The following MOSPD3 variants were observed in gnomAD, a reference collection of about 807,000 sequenced individuals.
MOSPD3 encodes the protein motile sperm domain-containing protein 3.
Under a neutral mutation model 23.3 loss-of-function variants are expected in MOSPD3, and 20 were observed. That is an observed-to-expected ratio of 0.86 (90% CI 0.61 to 1.25). MOSPD3 has a LOEUF of 1.25. Among genes scored for constraint, MOSPD3 ranks in the 50% most tolerant of loss-of-function variants. The pLI is 0.00. For missense variants in MOSPD3, 307 were observed against 315.7 expected (o/e 0.97, Z 0.21); for synonymous variants, 136 against 135.2 (o/e 1.01, Z -0.04).
At chr7:100,613,044 G>T in intron 1 of MOSPD3, 48 bp downstream of exon 1, 3 of 1,607,982 alleles carry the variant, frequency 1.9e-6, no homozygotes, top group Non-Finnish European at 2.6e-6. Flanking sequence ...ACACTGGGGG[G>T]TTGTGTTGGC....
In MOSPD3 at chr7:100,612,860, C is replaced by G. The variant is rs761839826; in HGVS notation, c.69C>G (p.Gly23=). The stretch of plus-strand genomic sequence containing the variant: ...GGCCCCCTGGGCGGGGGTCCCGGGG[C>G]GCCCCTCCTCCCTTGGGACCCGTTG... ...GPGPPGRGSR[G]APPPLGPVVP... Residue 23 remains glycine, a synonymous_variant, in exon 1 of 5, where the codon GGC becomes GGG. Coordinates refer to ENST00000393950, the MANE Select transcript of MOSPD3 (RefSeq NM_023948.5). The G allele has an allele frequency of 2.7e-5, 44 of 1,612,276 alleles. No individual in the cohort carries two copies. Among genetic ancestry groups the G allele is most frequent in the African/African-American group, 5.3e-5 (4 of 74,942 alleles).
In MOSPD3 at chr7:100,615,251, C is replaced by T. The variant is rs760852931; in HGVS notation, c.*68C>T. Reference sequence around the variant, plus strand: ...GGGTCTTGAGGCAGCCACTGTGATGCTCATACCTTACCTTGCCTCCTACCC... The same window carrying T: ...GGGTCTTGAGGCAGCCACTGTGATGTTCATACCTTACCTTGCCTCCTACCC... On this transcript the variant is annotated 3_prime_UTR_variant, in exon 5 of 5. Transcript: ENST00000393950. 1.4e-6 allele frequency: 2 copies of T among 1,437,068 alleles called. No individual in the cohort carries two copies. Among genetic ancestry groups the T allele is most frequent in the Non-Finnish European group, 1.9e-6 (2 of 1,047,928 alleles). 89.0% of individuals were successfully genotyped at this position (1,437,068 alleles called of 1,614,324 possible).
At chr7:100,612,427 A>C, upstream of MOSPD3, 2 of 164,192 alleles carry the variant, frequency 1.2e-5, no homozygotes, top group East Asian at 1.6e-4. Context: ...GCGTCCGGGA[A>C]CGCCCGGAAG....
At chr7:100,614,578 G>T (rs963472717) in intron 3 of MOSPD3, among the ~76,000 whole-genome samples, 1 of 152,136 alleles carries the variant, frequency 6.6e-6, no homozygotes, top group East Asian at 1.9e-4. Flanking sequence ...AGGAGTTCAA[G>T]ATCAGCTTGG....
chr7:100,612,945 C>G lies in MOSPD3; in HGVS notation c.154C>G (p.Arg52Gly). 1.2e-6 allele frequency: 2 copies of G among 1,613,982 alleles called. No homozygotes were observed. Among genetic ancestry groups the G allele is most frequent in the Non-Finnish European group, 1.7e-6 (2 of 1,180,016 alleles). ...VFRADQRSGP[R>G]QLLTLYNPTG... is the part of the protein sequence containing the mutation. Reference sequence around the variant, plus strand: ...CAGGGCGGACCAGCGGAGCGGACCCCGACAGCTGCTGACCCTCTATAACCC... The same window carrying G: ...CAGGGCGGACCAGCGGAGCGGACCCGGACAGCTGCTGACCCTCTATAACCC... Residue 52 changes from arginine to glycine, a missense_variant, in exon 1 of 5, where the codon CGA becomes GGA. By Grantham distance (125) the Arg-to-Gly change is moderately radical. Transcript: ENST00000393950.
intron 3 of MOSPD3, 151 bp downstream of exon 3, chr7:100,613,857 G>C (rs1802912224): frequency 8.1e-6 from 6 of 742,584 alleles, no homozygotes; most frequent in Non-Finnish European, 1.3e-5. Context: ...TTTATATCAG[G>C]TGAGGGGGAA....
At position 100,615,140 on chromosome 7, in the gene MOSPD3, T is replaced by TC. The variant is rs1244250845; in HGVS notation, c.677-6dup. 19 of 1,613,724 alleles carry TC rather than the reference T, an allele frequency of 1.2e-5. No homozygotes were observed. The Admixed American group carries it at 2.8e-4, about 24-fold the overall frequency. ...CCCATGCGACCCTATTCTTTCTTTG[T>TC]CCCCCCTCCAGGCCTCCTCACCATG... On this transcript the variant is annotated splice_polypyrimidine_tract_variant and intron_variant, in intron 4 of 4. Coordinates refer to ENST00000393950, the MANE Select transcript of MOSPD3 (RefSeq NM_023948.5).
chr7:100,613,892 T>C (rs1802913477), intron 3 of MOSPD3, 186 bp downstream of exon 3: 1 of 629,632 alleles, frequency 1.6e-6, no homozygotes, highest in Admixed American at 2.9e-5. Flanking sequence ...CCCTGGTTTC[T>C]GACTTCTACT....
chr7:100,614,562 G>C (rs143440482), intron 3 of MOSPD3, among the ~76,000 whole-genome samples: 31 of 151,908 alleles, frequency 2.0e-4, no homozygotes, highest in African/African-American at 7.2e-4. Context: ...GCAATTGCTC[G>C]AGGCCAGGAG....
In MOSPD3 at chr7:100,613,232, G is replaced by C. The variant is rs1042044676; in HGVS notation, c.244G>C (p.Ala82Pro). ...ACCTGCCAAATACACGGTGTTTGAC[G>C]CAGAGGGATATGTGAAGCCCCAGTC... ...TAPAKYTVFDAEGYVKPQSCI... is the reference protein window; with the variant it reads ...TAPAKYTVFDPEGYVKPQSCI... Residue 82 changes from alanine to proline, a missense_variant, in exon 2 of 5, where the codon GCA (alanine) becomes CCA (proline). By Grantham distance (27) the Ala-to-Pro change is conservative. Transcript: ENST00000393950. 1 of 1,614,118 alleles carries C rather than the reference G, an allele frequency of 6.2e-7. No individual in the cohort carries two copies. The highest frequency in any genetic ancestry group is 1.3e-5 in the African/African-American group (1 of 75,006).
Position 100,615,185 on chromosome 7 carries a change from C to A in MOSPD3, c.*2C>A. ...ACCATGGTGTTCCTCCGGACCTGAG[C>A]TCCGTGCTCAACCCCCAGCCCACCC... On this transcript the variant is annotated 3_prime_UTR_variant, in exon 5 of 5. Coordinates refer to ENST00000393950, the MANE Select transcript of MOSPD3 (RefSeq NM_023948.5). The A allele has an allele frequency of 6.2e-7, 1 of 1,613,918 alleles. No individual in the cohort carries two copies. Among genetic ancestry groups the A allele is most frequent in the Non-Finnish European group, 8.5e-7 (1 of 1,180,004 alleles).
Position 100,614,979 on chromosome 7 carries a change from T to C in MOSPD3, c.624T>C (p.Pro208=). ...PLPDELGSQL[P]QVLHVSLGQK... The stretch of plus-strand genomic sequence containing the variant: ...CGGACGAACTCGGCAGCCAGCTGCC[T>C]CAAGTCCTGCACGTCTCCCTGGGAC... Residue 208 remains proline (P), a synonymous_variant, in exon 4 of 5, where the codon CCT becomes CCC. Coordinates refer to ENST00000393950, the MANE Select transcript of MOSPD3 (RefSeq NM_023948.5). The C allele has an allele frequency of 6.2e-7, 1 of 1,614,112 alleles. No homozygotes were observed. Among genetic ancestry groups the C allele is most frequent in the Non-Finnish European group, 8.5e-7 (1 of 1,179,982 alleles).
rs1802856452 is a variant in MOSPD3 at position 100,612,588 on chromosome 7, G to C, written c.-204G>C. The C allele has an allele frequency of 1.4e-5, 7 of 489,316 alleles. No individual in the cohort carries two copies. In the South Asian group the frequency reaches 2.3e-4, roughly 16 times the overall value. 30.3% of individuals were successfully genotyped at this position (489,316 alleles called of 1,614,324 possible). Reference sequence around the variant, plus strand: ...CGGGTCCGAAGGAACCTGGGGCAGAGCTGGAAGAGGAAAGGTCTTGGGGGC... The same window carrying C: ...CGGGTCCGAAGGAACCTGGGGCAGACCTGGAAGAGGAAAGGTCTTGGGGGC... On this transcript the variant is annotated 5_prime_UTR_variant, in exon 1 of 5. Coordinates refer to ENST00000393950, the MANE Select transcript of MOSPD3 (RefSeq NM_023948.5).
chr7:100,613,405 G>T, intron 2 of MOSPD3, 72 bp from the exon 3 acceptor site: 2 of 1,572,162 alleles, frequency 1.3e-6, no homozygotes, highest in East Asian at 2.2e-5. Flanking sequence ...GAGACTTCTG[G>T]GGGGAGGCCC....
chr7:100,614,885 C>T lies in MOSPD3; in HGVS notation c.530C>T (p.Ala177Val). ...HFQEHPRQQL[A>V]TSSFLLFLLT... The stretch of plus-strand genomic sequence containing the variant: ...TTCTCAGACCCCCGCCAGCAACTGG[C>T]CACCAGCTCCTTCCTCCTCTTCTTG... The change falls in exon 4 of 5, where the codon GCC (alanine) becomes GTC (valine). Residue 177 changes from alanine to valine, a missense_variant. Physicochemically the swap from Ala to Val is moderately conservative, Grantham distance 64. Coordinates refer to ENST00000393950, the MANE Select transcript of MOSPD3 (RefSeq NM_023948.5). 6.2e-7 allele frequency: 1 copy of T among 1,614,114 alleles called. No homozygotes were observed. Among genetic ancestry groups the T allele is most frequent in the Non-Finnish European group, 8.5e-7 (1 of 1,179,968 alleles).
intron 3 of MOSPD3, chr7:100,613,933 C>G: frequency 1.7e-6 from 1 of 587,330 alleles, no homozygotes; most frequent in South Asian, 2.0e-5. Context: ...TGACTGTAAC[C>G]GCAGTACTTC....
At chr7:100,613,098 A>C in intron 1 of MOSPD3, 96 bp from the exon 2 acceptor site, 1 of 1,579,680 alleles carries the variant, frequency 6.3e-7, no homozygotes, top group Non-Finnish European at 8.7e-7. Context: ...GCTTTGGTGG[A>C]CTGGGAAAGT....
In MOSPD3 at chr7:100,614,796, A is replaced by G. The variant is rs184825755; in HGVS notation, c.512-71A>G. 81 of 1,493,550 alleles carry G rather than the reference A, an allele frequency of 5.4e-5. No homozygotes were observed. In the African/African-American group the frequency reaches 1.1e-3, roughly 20 times the overall value. The allele number at this position is 1,493,550 out of a possible 1,614,324, so 92.5% of individuals were successfully genotyped here. A position where few individuals can be genotyped will look rare whatever the true frequency, so the allele number is the denominator to read the frequency against. The stretch of plus-strand genomic sequence containing the variant: ...AAAAGTAGATACATCTTCCTTGTTC[A>G]GGCTTCTCCCTGGAGGACCTGGGCT... On this transcript the variant is annotated intron_variant, in intron 3 of 4. Coordinates refer to ENST00000393950, the MANE Select transcript of MOSPD3 (RefSeq NM_023948.5).
rs1286720532 is a variant in MOSPD3 at position 100,613,268 on chromosome 7, A to G, written c.280A>G (p.Ile94Val). The G allele has an allele frequency of 4.4e-6, 7 of 1,574,856 alleles. No individual in the cohort carries two copies. In the Admixed American group the frequency reaches 8.4e-5, roughly 19 times the overall value. ...TGTGAAGCCCCAGTCTTGCATTGAC[A>G]TGTGAGTGAGCTGGGAGGGTGGGGA... ...GYVKPQSCID[I>V]VIRHVAPIPS... Residue 94 changes from isoleucine to valine, a missense_variant and splice_region_variant, in exon 2 of 5, where the codon ATT (isoleucine) becomes GTT (valine). Coordinates refer to ENST00000393950, the MANE Select transcript of MOSPD3 (RefSeq NM_023948.5).
Sources: gnomAD v4.1 joint callset for allele counts (sites outside exome capture counted in the v4.1 genomes callset) on GRCh38, gnomAD v4.1.1 for gene constraint, MANE v1.5 for transcripts, NCBI Gene and HGNC (gene_info 2026-07-23, HGNC 2026-07-21) for gene names.